The following EPPK1 variants were observed in gnomAD, a reference collection of about 807,000 sequenced individuals.
The protein encoded by EPPK1 is epiplakin 1.
For synonymous variants in EPPK1, 1,862 were observed against 1,721.2 expected, an observed-to-expected ratio of 1.08 and a Z score of -2.03; for missense variants, 3,823 against 3,673.3, an observed-to-expected ratio of 1.04 and a Z score of -1.05.
intron 1 of EPPK1, among the ~76,000 whole-genome samples, chr8:143,877,582 C>A (rs936537486): frequency 6.6e-6 from 1 of 152,270 alleles, no homozygotes. Flanking sequence ...TGTCACCAGA[C>A]TGCCCGGCAG....
At chr8:143,874,301 TTA>T (rs1819439077) in intron 1 of EPPK1, among the ~76,000 whole-genome samples, 2 of 152,220 alleles carry the variant, frequency 1.3e-5, no homozygotes, top group South Asian at 4.1e-4. Context: ...CCAGATTGAA[TTA>T]TGTCCCTAAA....
At chr8:143,876,902 G>C (rs797030080) in intron 1 of EPPK1, among the ~76,000 whole-genome samples, 12 of 152,328 alleles carry the variant, frequency 7.9e-5, no homozygotes, top group African/African-American at 2.6e-4. Context: ...GGCAGGGCCA[G>C]TGAGGGTGGG....
Position 143,869,641 on chromosome 8 carries a change from C to A in EPPK1, c.3613G>T (p.Ala1205Ser), listed in dbSNP as rs1226586422. 1 of 1,587,342 alleles carries A rather than the reference C, an allele frequency of 6.3e-7. No individual in the cohort carries two copies. Among genetic ancestry groups the A allele is most frequent in the Admixed American group, 1.8e-5 (1 of 56,674 alleles). The change falls in exon 2 of 2, where the codon GCT becomes TCT. Residue 1205 changes from alanine to serine, a missense_variant. Ala to Ser is a moderately conservative substitution (Grantham distance 99). Coordinates refer to ENST00000615648, the MANE Select transcript of EPPK1 (RefSeq NM_031308.4). ...ATGCCAGCATCCAGCAGCCAGACAGCGGGTACCTCACCCCGTGGGCCGGGC... is the reference window on the plus strand; with the variant it reads ...ATGCCAGCATCCAGCAGCCAGACAGAGGGTACCTCACCCCGTGGGCCGGGC... ...MVPGPRGEVP[A>S]VWLLDAGIIT...
chr8:143,869,959 G>A lies in EPPK1; in HGVS notation c.3295C>T (p.Leu1099=). ...GQGRTSYAQL[L]EECPRDETSG... ...GTCTCATCCCTGGGGCACTCCTCCA[G>A]GAGCTGGGCATAGCTCGTGCGCCCC... The change falls in exon 2 of 2, where the codon CTG becomes TTG. Residue 1099 remains leucine (L), a synonymous_variant. Transcript: ENST00000615648. 2 of 1,607,714 alleles carry A rather than the reference G, an allele frequency of 1.2e-6. No individual in the cohort carries two copies. Among genetic ancestry groups the A allele is most frequent in the Non-Finnish European group, 1.7e-6 (2 of 1,177,172 alleles).
chr8:143,868,017 C>G lies in EPPK1; in HGVS notation c.5237G>C (p.Cys1746Ser). 1 of 1,613,718 alleles carries G rather than the reference C, an allele frequency of 6.2e-7. No individual in the cohort carries two copies. The part of the protein sequence containing the change: ...NLTYLQLLER[C>S]VEDPETGLYL... ...CAGGCCCGTCTCGGGGTCCTCCACA[C>G]AGCGCTCCAGAAGCTGCAGGTACGT... The change falls in exon 2 of 2, where the codon TGT becomes TCT. Residue 1746 changes from cysteine to serine, a missense_variant. Physicochemically the swap from Cys to Ser is moderately radical, Grantham distance 112. Transcript: ENST00000615648.
chr8:143,858,150 T>C lies in EPPK1; in HGVS notation c.15104A>G (p.Tyr5035Cys). Residue 5035 changes from tyrosine (Y) to cysteine (C), a missense_variant, in exon 2 of 2, where the codon TAC becomes TGC. Tyr to Cys is a radical substitution (Grantham distance 194). Transcript: ENST00000615648. ...VPVDVAYRRG[Y>C]FDEEMNRVLA... ...GACGCGGTTCATCTCCTCGTCGAAGTAGCCGCGCCGGTAGGCCACGTCCAC... is the reference window on the plus strand; with the variant it reads ...GACGCGGTTCATCTCCTCGTCGAAGCAGCCGCGCCGGTAGGCCACGTCCAC... The C allele has an allele frequency of 6.2e-7, 1 of 1,613,182 alleles. No homozygotes were observed.
Position 143,873,114 on chromosome 8 carries a change from T to A in EPPK1, c.140A>T (p.Tyr47Phe). The change falls in exon 2 of 2, where the codon TAT (tyrosine) becomes TTT (phenylalanine). Residue 47 changes from tyrosine to phenylalanine, a missense_variant. Transcript: ENST00000615648. ...RPQARSIAGV[Y>F]VEASGQAQSV... Reference sequence around the variant, plus strand: ...CTGGGCCTGGCCCGAGGCCTCCACATACACCCCAGCTATGCTCCTGGCCTG... The same window carrying A: ...CTGGGCCTGGCCCGAGGCCTCCACAAACACCCCAGCTATGCTCCTGGCCTG... 1 of 1,568,346 alleles carries A rather than the reference T, an allele frequency of 6.4e-7. No individual in the cohort carries two copies. Among genetic ancestry groups the A allele is most frequent in the African/African-American group, 1.4e-5 (1 of 73,802 alleles).
Position 143,870,740 on chromosome 8 carries a change from G to A in EPPK1, c.2514C>T (p.Asn838=), listed in dbSNP as rs1819316583. The A allele has an allele frequency of 6.2e-7, 1 of 1,612,526 alleles. No homozygotes were observed. Among genetic ancestry groups the A allele is most frequent in the East Asian group, 2.2e-5 (1 of 44,882 alleles). Residue 838 remains asparagine (N), a synonymous_variant, in exon 2 of 2, where the codon AAC becomes AAT. Coordinates refer to ENST00000615648, the MANE Select transcript of EPPK1 (RefSeq NM_031308.4). This position sits in a 1 kb window ranked among gnomAD's most constrained non-coding sequence, Gnocchi z 5.2. ...GQRVSAWELI[N]SEYFSEGRRR... is the part of the protein sequence containing the mutation. Reference sequence around the variant, plus strand: ...TGCGGCCCTCGCTGAAGTACTCAGAGTTGATCAGCTCCCACGCGGAGACCC... The same window carrying A: ...TGCGGCCCTCGCTGAAGTACTCAGAATTGATCAGCTCCCACGCGGAGACCC...
At chr8:143,874,397 A>G (rs893963590) in intron 1 of EPPK1, among the ~76,000 whole-genome samples, 9 of 152,244 alleles carry the variant, frequency 5.9e-5, no homozygotes, top group African/African-American at 1.7e-4. Context: ...CACCCAGTTA[A>G]GGTGAGGTCA....
rs1138597 is a variant in EPPK1 at position 143,857,366 on chromosome 8, T to G, written c.*621A>C. 67,802 of 152,094 alleles carry G rather than the reference T, an allele frequency of 0.45. 16,972 individuals carry two copies. Among genetic ancestry groups the G allele is most frequent in the South Asian group, 0.6 (2,907 of 4,820 alleles). The allele number at this position is 152,094 out of a possible 1,614,324, so 9.4% of individuals were successfully genotyped here. A position where few individuals can be genotyped will look rare whatever the true frequency, so the allele number is the denominator to read the frequency against. On this transcript the variant is annotated 3_prime_UTR_variant, in exon 2 of 2. Coordinates refer to ENST00000615648, the MANE Select transcript of EPPK1 (RefSeq NM_031308.4). ...TTGTTCAGAATTTTTCCTAGTAAATTACTACAAAAAGTTCTTCTCCACAAC... is the reference window on the plus strand; with the variant it reads ...TTGTTCAGAATTTTTCCTAGTAAATGACTACAAAAAGTTCTTCTCCACAAC...
At position 143,868,461 on chromosome 8, in the gene EPPK1, G is replaced by C; in HGVS notation, c.4793C>G (p.Pro1598Arg). The change falls in exon 2 of 2, where the codon CCT becomes CGT. Residue 1598 changes from proline to arginine, a missense_variant. Coordinates refer to ENST00000615648, the MANE Select transcript of EPPK1 (RefSeq NM_031308.4). ...CTCCAGCAGCACCAGGGCTGTGCCAGGCCGCAGGATGTGCCTCCTCAGGGC... is the reference window on the plus strand; with the variant it reads ...CTCCAGCAGCACCAGGGCTGTGCCACGCCGCAGGATGTGCCTCCTCAGGGC... Reference protein sequence around the residue: ...PEALRRHILRPGTALVLLEAQ... With the variant: ...PEALRRHILRRGTALVLLEAQ... 6.2e-7 allele frequency: 1 copy of C among 1,612,456 alleles called. No individual in the cohort carries two copies. The highest frequency in any genetic ancestry group is 2.2e-5 in the East Asian group (1 of 44,882).
At position 143,871,526 on chromosome 8, in the gene EPPK1, CTCGGCTT is replaced by C; in HGVS notation, c.1721_1727del (p.Lys574ArgfsTer49). ...GCTCGTACAGGTCCTGGTCGATGATCTCGGCTTTCAGCAGCTCTCCTGGTGTCACGGT... is the reference window on the plus strand; with the variant it reads ...GCTCGTACAGGTCCTGGTCGATGATCTCAGCAGCTCTCCTGGTGTCACGGT... On this transcript the variant is annotated frameshift_variant, in exon 2 of 2. Transcript: ENST00000615648. LOFTEE classifies it low-confidence loss of function (END_TRUNC). The C allele has an allele frequency of 6.2e-7, 1 of 1,610,184 alleles. No individual in the cohort carries two copies. The highest frequency in any genetic ancestry group is 8.5e-7 in the Non-Finnish European group (1 of 1,178,950).
rs1279189784 is a variant in EPPK1, at chr8:143,871,107, C to T, written c.2147G>A (p.Gly716Asp). Reference sequence around the variant, plus strand: ...GATCTGGGCCTCCAGCAGGCGGATGCCGTGCTCCCGGACGATGAGGCCCTT... The same window carrying T: ...GATCTGGGCCTCCAGCAGGCGGATGTCGTGCTCCCGGACGATGAGGCCCTT... ...MQKGLIVREHGIRLLEAQIAT... is the reference protein window; with the variant it reads ...MQKGLIVREHDIRLLEAQIAT... Residue 716 changes from glycine (G) to aspartate (D), a missense_variant, in exon 2 of 2, where the codon GGC becomes GAC. Physicochemically the swap from Gly to Asp is moderately conservative, Grantham distance 94. Coordinates refer to ENST00000615648, the MANE Select transcript of EPPK1 (RefSeq NM_031308.4). The T allele has an allele frequency of 6.2e-7, 1 of 1,613,126 alleles. No homozygotes were observed. Among genetic ancestry groups the T allele is most frequent in the Non-Finnish European group, 8.5e-7 (1 of 1,179,996 alleles).
chr8:143,868,664 G>A lies in EPPK1; in HGVS notation c.4590C>T (p.Ala1530=). Residue 1530 remains alanine (A), a synonymous_variant, in exon 2 of 2, where the codon GCC becomes GCT. Transcript: ENST00000615648. The stretch of plus-strand genomic sequence containing the variant: ...TCAGCTGCGCCCTGAACAGGTCCCT[G>A]GCTGACACCTGCTTCCGGAGCCCTC... ...TFRGLRKQVS[A]RDLFRAQLIS... is the part of the protein sequence containing the mutation. 3 of 1,585,474 alleles carry A rather than the reference G, an allele frequency of 1.9e-6. No individual in the cohort carries two copies. The highest frequency in any genetic ancestry group is 1.3e-5 in the African/African-American group (1 of 74,348).
At position 143,867,954 on chromosome 8, in the gene EPPK1, A is replaced by C. The variant is rs1554659689; in HGVS notation, c.5300T>G (p.Val1767Gly). Residue 1767 changes from valine (V) to glycine (G), a missense_variant, in exon 2 of 2, where the codon GTG (valine) becomes GGG (glycine). Physicochemically the swap from Val to Gly is moderately radical, Grantham distance 109. Transcript: ENST00000615648. ...LQIIKKGENY[V>G]YINEATRHVL... Reference sequence around the variant, plus strand: ...GTGTCTCGTGGCCTCATTGATGTACACGTAGTTTTCTCCTTTCTTTATGAT... The same window carrying C: ...GTGTCTCGTGGCCTCATTGATGTACCCGTAGTTTTCTCCTTTCTTTATGAT... 8.7e-6 allele frequency: 14 copies of C among 1,613,430 alleles called. No individual in the cohort carries two copies. The South Asian group carries it at 1.4e-4, about 16-fold the overall frequency.
rs782539143 is a variant in EPPK1, at chr8:143,866,710, T to G, written c.6544A>C (p.Thr2182Pro). 1 of 1,613,402 alleles carries G rather than the reference T, an allele frequency of 6.2e-7. No individual in the cohort carries two copies. The highest frequency in any genetic ancestry group is 8.5e-7 in the Non-Finnish European group (1 of 1,179,864). ...GCTGAGCTGAGGAGTTCAGAAGCTG[T>G]GATCTGTCGTCTAATTCCTTGGAAC... Reference protein sequence around the residue: ...LWFQGIRRQITASELLSSAII... With the variant: ...LWFQGIRRQIPASELLSSAII... Residue 2182 changes from threonine (T) to proline (P), a missense_variant, in exon 2 of 2, where the codon ACA becomes CCA. Coordinates refer to ENST00000615648, the MANE Select transcript of EPPK1 (RefSeq NM_031308.4).
Position 143,869,864 on chromosome 8 carries a change from C to T in EPPK1, c.3390G>A (p.Arg1130=), listed in dbSNP as rs1554660534. ...TGGCCCCCGGCACGGCCTGCAGGCTCCTCTGGACCTGCTCCTCGGTGGGGA... is the reference window on the plus strand; with the variant it reads ...TGGCCCCCGGCACGGCCTGCAGGCTTCTCTGGACCTGCTCCTCGGTGGGGA... ...PALPTEEQVQ[R]SLQAVPGAKD... is the part of the protein sequence containing the mutation. The change falls in exon 2 of 2, where the codon AGG becomes AGA. Residue 1130 remains arginine, a synonymous_variant. Transcript: ENST00000615648. 6.2e-7 allele frequency: 1 copy of T among 1,603,596 alleles called. No individual in the cohort carries two copies. Among genetic ancestry groups the T allele is most frequent in the Non-Finnish European group, 8.5e-7 (1 of 1,175,774 alleles).
chr8:143,866,926 T>C lies in EPPK1; in HGVS notation c.6328A>G (p.Ile2110Val). The change falls in exon 2 of 2, where the codon ATC becomes GTC. Residue 2110 changes from isoleucine to valine, a missense_variant. Ile to Val is a conservative substitution (Grantham distance 29). Transcript: ENST00000615648. ...TGGCCTCTGAACCTTCCCACTGTGATTTCCACTTGCTCTGCCTCCAGGGCC... is the reference window on the plus strand; with the variant it reads ...TGGCCTCTGAACCTTCCCACTGTGACTTCCACTTGCTCTGCCTCCAGGGCC... ...RRALEAEQVE[I>V]TVGRFRGQKP... 1 of 1,613,000 alleles carries C rather than the reference T, an allele frequency of 6.2e-7. No individual in the cohort carries two copies. Among genetic ancestry groups the C allele is most frequent in the South Asian group, 1.1e-5 (1 of 91,066 alleles).
Position 143,867,968 on chromosome 8 carries a change from TTTC to T in EPPK1, c.5283_5285del (p.Lys1762del). ...CATTGATGTACACGTAGTTTTCTCCTTTCTTTATGATTTGTAGCAGGTACAGGC... is the reference window on the plus strand; with the variant it reads ...CATTGATGTACACGTAGTTTTCTCCTTTTATGATTTGTAGCAGGTACAGGC... On this transcript the variant is annotated inframe_deletion, in exon 2 of 2. Coordinates refer to ENST00000615648, the MANE Select transcript of EPPK1 (RefSeq NM_031308.4). 1 of 1,609,864 alleles carries T rather than the reference TTTC, an allele frequency of 6.2e-7. No homozygotes were observed. Among genetic ancestry groups the T allele is most frequent in the Non-Finnish European group, 8.5e-7 (1 of 1,179,322 alleles).
Sources: gnomAD v4.1 joint callset for allele counts (sites outside exome capture counted in the v4.1 genomes callset) on GRCh38, gnomAD v4.1.1 for gene constraint, Gnocchi (gnomAD v3.1) non-coding constraint, MANE v1.5 for transcripts, NCBI Gene and HGNC (gene_info 2026-07-23, HGNC 2026-07-21) for gene names.